The following COL13A1 variants were observed in gnomAD, a reference collection of about 807,000 sequenced individuals.
COL13A1 encodes the protein collagen alpha-1(XIII) chain.
COL13A1 carries 89 observed loss-of-function variants against 130.9 expected under a neutral mutation model. That is an observed-to-expected ratio of 0.68 (90% CI 0.57 to 0.81). COL13A1 has a LOEUF of 0.81. Ranked by LOEUF, COL13A1 falls within the 30% of genes least tolerant of loss-of-function variation. The pLI, the probability that COL13A1 is intolerant of heterozygous loss-of-function variation, is 0.00. For synonymous variants in COL13A1, 402 were observed against 341.6 expected (o/e 1.18, Z -1.95); for missense variants, 879 against 934.6 (o/e 0.94, Z 0.78).
intron 18 of COL13A1, among the ~76,000 whole-genome samples, chr10:69,917,638 G>C (rs1361394029): frequency 6.6e-6 from 1 of 152,060 alleles, no homozygotes; most frequent in African/African-American, 2.4e-5. Context: ...TTGCTAAGGG[G>C]CACTTTGGGC....
At chr10:69,908,903 C>T (rs1011387574) in intron 17 of COL13A1, among the ~76,000 whole-genome samples, 4 of 152,178 alleles carry the variant, frequency 2.6e-5, no homozygotes, top group Admixed American at 6.5e-5. Flanking sequence ...AAGAGTAATT[C>T]CAGCTCCAGA....
At chr10:69,876,924 G>A (rs1298619074) in intron 5 of COL13A1, among the ~76,000 whole-genome samples, 1 of 152,218 alleles carries the variant, frequency 6.6e-6, no homozygotes, top group African/African-American at 2.4e-5. Context: ...GCAGCTCTGG[G>A]CCTTCCCGTC....
In COL13A1 at chr10:69,958,046, G is replaced by T. The variant is rs576936512; in HGVS notation, c.2185-653G>T. Among the ~76,000 whole-genome samples, 7 of 152,226 alleles carry T rather than the reference G, an allele frequency of 4.6e-5. No individual in the cohort carries two copies. In the East Asian group the frequency reaches 1.2e-3, roughly 25 times the overall value. On this transcript the variant is annotated intron_variant, in intron 40 of 40. Coordinates refer to ENST00000645393, the MANE Select transcript of COL13A1 (RefSeq NM_001368882.1). ...TGGGTAAAAGTGGTGAAACCACCAA[G>T]ACCCCAGGCCAACGCTGACCACCTA...
intron 10 of COL13A1, among the ~76,000 whole-genome samples, chr10:69,891,454 G>T (rs2061161879): frequency 6.6e-6 from 1 of 152,186 alleles, no homozygotes; most frequent in Admixed American, 6.5e-5. Context: ...CGGAGGAAGG[G>T]CACTGGAGGC....
intron 8 of COL13A1, 83 bp downstream of exon 8, chr10:69,887,574 G>A (rs1227807264): frequency 2.8e-5 from 41 of 1,442,428 alleles, no homozygotes; most frequent in South Asian, 9.7e-5. Context: ...GGTCAGCCCC[G>A]GTTCCACTCT....
chr10:69,824,644 A>G (rs2132692190), intron 2 of COL13A1, among the ~76,000 whole-genome samples: 1 of 152,264 alleles, frequency 6.6e-6, no homozygotes, highest in South Asian at 2.1e-4. Context: ...AGGAAACACC[A>G]TGGGGAGAAG....
intron 1 of COL13A1, among the ~76,000 whole-genome samples, chr10:69,803,047 C>A (rs905110544): frequency 1.3e-5 from 2 of 152,174 alleles, no homozygotes; most frequent in Non-Finnish European, 2.9e-5. Flanking sequence ...TCCTCCCTTT[C>A]GGGACCCGGC....
intron 17 of COL13A1, among the ~76,000 whole-genome samples, chr10:69,912,050 G>A (rs2063438170): frequency 6.6e-6 from 1 of 152,216 alleles, no homozygotes; most frequent in Non-Finnish European, 1.5e-5. Flanking sequence ...TGAAATCCTA[G>A]TGGGGACCAT....
chr10:69,822,965 G>C (rs1308816938), intron 2 of COL13A1, among the ~76,000 whole-genome samples: 2 of 152,260 alleles, frequency 1.3e-5, no homozygotes, highest in Non-Finnish European at 2.9e-5. Flanking sequence ...TACATGCAAG[G>C]AATGAAGGCA....
At chr10:69,859,038 C>T (rs553214927) in intron 2 of COL13A1, among the ~76,000 whole-genome samples, 21 of 152,232 alleles carry the variant, frequency 1.4e-4, no homozygotes, top group South Asian at 1.0e-3. Context: ...TTCAGTTGTA[C>T]GACTATGGGC....
intron 4 of COL13A1, 28 bp from the exon 5 acceptor site, chr10:69,875,100 T>C (rs1356597302): frequency 6.2e-7 from 1 of 1,613,984 alleles, no homozygotes; most frequent in Admixed American, 1.7e-5. Context: ...CAACCACATC[T>C]GACTGTTTCT....
chr10:69,904,994 G>A, intron 16 of COL13A1, 35 bp downstream of exon 16: 2 of 1,558,526 alleles, frequency 1.3e-6, no homozygotes, highest in South Asian at 1.2e-5. Flanking sequence ...TTGAACAGGT[G>A]GGAGAATTCC....
At chr10:69,917,869 C>A (rs2064119918) in intron 18 of COL13A1, among the ~76,000 whole-genome samples, 1 of 152,074 alleles carries the variant, frequency 6.6e-6, no homozygotes. Flanking sequence ...CTATTCTGCA[C>A]CCCTCTCCCG....
At chr10:69,859,215 A>C (rs1223228795) in intron 2 of COL13A1, among the ~76,000 whole-genome samples, 4 of 152,238 alleles carry the variant, frequency 2.6e-5, no homozygotes, top group African/African-American at 4.8e-5. Context: ...TGGGTTATTA[A>C]TATTAGGTTG....
chr10:69,866,040 G>A lies in COL13A1; in HGVS notation c.365-1758G>A, dbSNP rs556569933. Among the ~76,000 whole-genome samples, 5 of 152,338 alleles carry A rather than the reference G, an allele frequency of 3.3e-5. No homozygotes were observed. The South Asian group carries it at 1.0e-3, about 32-fold the overall frequency. On this transcript the variant is annotated intron_variant, in intron 2 of 40. Transcript: ENST00000645393. Reference sequence around the variant, plus strand: ...GGCACCTAATAAGGACCATAGAGGTGTATGCAGTGACAATGGTGGTGGCAG... The same window carrying A: ...GGCACCTAATAAGGACCATAGAGGTATATGCAGTGACAATGGTGGTGGCAG...
At chr10:69,803,293 C>A (rs1353368617) in intron 1 of COL13A1, among the ~76,000 whole-genome samples, 2 of 152,246 alleles carry the variant, frequency 1.3e-5, no homozygotes, top group East Asian at 3.8e-4. Context: ...ACAAATTAGT[C>A]CACACCTTCT....
At chr10:69,817,284 A>T (rs1331287852) in intron 1 of COL13A1, among the ~76,000 whole-genome samples, 1 of 151,986 alleles carries the variant, frequency 6.6e-6, no homozygotes, top group East Asian at 1.9e-4. Context: ...TCGTGGAAGC[A>T]CAGATGGGGA....
Position 69,944,121 on chromosome 10 carries a change from C to T in COL13A1, c.1915-4C>T. The T allele has an allele frequency of 6.2e-7, 1 of 1,613,522 alleles. No homozygotes were observed. The highest frequency in any genetic ancestry group is 8.5e-7 in the Non-Finnish European group (1 of 1,179,552). On this transcript the variant is annotated splice_polypyrimidine_tract_variant and splice_region_variant and intron_variant, in intron 35 of 40. Transcript: ENST00000645393. The stretch of plus-strand genomic sequence containing the variant: ...CTCACCTCTGCTTTCTTTCCCCTTC[C>T]CAGGGTACTCCAGGACCAATTGGAG...
chr10:69,892,233 C>T (rs2061251084), intron 10 of COL13A1, among the ~76,000 whole-genome samples: 2 of 152,200 alleles, frequency 1.3e-5, no homozygotes, highest in Non-Finnish European at 2.9e-5. Context: ...TGTCCAGCAT[C>T]ATTACCTTGC....
Sources: allele counts gnomAD v4.1 joint callset (sites outside exome capture counted in the v4.1 genomes callset), GRCh38; gene constraint gnomAD v4.1.1; transcripts MANE v1.5; gene names NCBI Gene and HGNC (gene_info 2026-07-23, HGNC 2026-07-21).